The following PRKN variants were observed in gnomAD, a reference collection of about 807,000 sequenced individuals.
The protein encoded by PRKN is parkin RBR E3 ubiquitin protein ligase, also known as E3 ubiquitin-protein ligase parkin.
A neutral mutation model predicts 59.5 loss-of-function variants in PRKN; 56 were observed. That is an observed-to-expected ratio of 0.94 (90% CI 0.76 to 1.18). The LOEUF (loss-of-function observed/expected upper bound fraction) is 1.18, where lower values mean the gene tolerates loss of function less well. Ranked by LOEUF, PRKN falls within the 50% of genes most tolerant of loss-of-function variation. The pLI is 0.00. For missense variants in PRKN, 657 were observed against 596.4 expected (o/e 1.10, Z -1.06); for synonymous variants, 250 against 222.1 (o/e 1.13, Z -1.12).
chr6:162,281,657 T>C (rs185772771), intron 2 of PRKN, among the ~76,000 whole-genome samples: 30 of 152,296 alleles, frequency 2.0e-4, no homozygotes, highest in Admixed American at 1.5e-3. Context: ...AGATTACCAA[T>C]ATGGTTTAAA....
rs1156916228 is a variant in PRKN at position 161,413,639 on chromosome 6, A to G, written c.1084-26762T>C. 6.6e-6 allele frequency among the ~76,000 whole-genome samples: 1 copy of G among 152,140 alleles called. No individual in the cohort carries two copies. Among genetic ancestry groups the G allele is most frequent in the Non-Finnish European group, 1.5e-5 (1 of 68,024 alleles). On this transcript the variant is annotated intron_variant, in intron 9 of 11. Coordinates refer to ENST00000366898, the MANE Select transcript of PRKN (RefSeq NM_004562.3). The surrounding 1 kb of genome is among the most constrained non-coding windows in gnomAD (Gnocchi z 4.4). ...TGAAGCTCACAGAGGCATGGGCTGC[A>G]CCGGGTCCCAGGGACACCTGAGCAC...
At chr6:161,522,343 G>A (rs768587899) in intron 9 of PRKN, among the ~76,000 whole-genome samples, 10 of 152,188 alleles carry the variant, frequency 6.6e-5, no homozygotes, top group Admixed American at 2.0e-4. Context: ...GTGAGGACAA[G>A]CGAGGCGATG....
intron 1 of PRKN, among the ~76,000 whole-genome samples, chr6:162,638,114 A>G (rs965731445): frequency 2.0e-5 from 3 of 151,218 alleles, no homozygotes; most frequent in East Asian, 3.9e-4. Context: ...TCAGCATGCA[A>G]TTTGTTCTAA....
intron 6 of PRKN, among the ~76,000 whole-genome samples, chr6:161,897,298 G>GGT (rs1450448907): frequency 2.6e-5 from 4 of 152,124 alleles, no homozygotes; most frequent in Non-Finnish European, 5.9e-5. Flanking sequence ...GAGAGCAGCT[G>GGT]GTGTTTCATG....
chr6:162,349,062 C>T (rs1207537137), intron 2 of PRKN, among the ~76,000 whole-genome samples: 1 of 152,088 alleles, frequency 6.6e-6, no homozygotes, highest in African/African-American at 2.4e-5. Flanking sequence ...GAGATAATAA[C>T]CTGAATAGAA....
Position 161,475,490 on chromosome 6 carries a change from T to A in PRKN, c.1083+73364A>T, listed in dbSNP as rs951822334. 1.3e-5 allele frequency among the ~76,000 whole-genome samples: 2 copies of A among 152,182 alleles called. No homozygotes were observed. Among genetic ancestry groups the A allele is most frequent in the Admixed American group, 6.5e-5 (1 of 15,282 alleles). ...CTTGCTATATTTTAAATGCACGGTATTGACTTGTTATTTTTATTTACATAT... is the reference window on the plus strand; with the variant it reads ...CTTGCTATATTTTAAATGCACGGTAATGACTTGTTATTTTTATTTACATAT... On this transcript the variant is annotated intron_variant, in intron 9 of 11. Transcript: ENST00000366898. The surrounding 1 kb of genome is among the most constrained non-coding windows in gnomAD (Gnocchi z 5.3).
At chr6:162,160,890 C>CAAAAAAAAAAAAAAA (rs56320816) in intron 4 of PRKN, among the ~76,000 whole-genome samples, 1 of 80,264 alleles carries the variant, frequency 1.2e-5, no homozygotes, top group African/African-American at 5.3e-5. Flanking sequence ...GACTCCGTCT[C>CAAAAAAAAAAAAAAA]AAAAAAAAAA....
Position 161,405,414 on chromosome 6 carries a change from C to T in PRKN, c.1084-18537G>A, listed in dbSNP as rs1176372407. On this transcript the variant is annotated intron_variant, in intron 9 of 11. Transcript: ENST00000366898. The surrounding 1 kb of genome is among the most constrained non-coding windows in gnomAD (Gnocchi z 5.1). Reference sequence around the variant, plus strand: ...CCAACATGGTGAAACCCCGTCTCTACCGAAAATGCACAAATTAGCCAGGCA... The same window carrying T: ...CCAACATGGTGAAACCCCGTCTCTATCGAAAATGCACAAATTAGCCAGGCA... Among the ~76,000 whole-genome samples the T allele has an allele frequency of 2.0e-5, 3 of 151,746 alleles. No homozygotes were observed. Among genetic ancestry groups the T allele is most frequent in the Non-Finnish European group, 4.4e-5 (3 of 67,976 alleles).
intron 1 of PRKN, among the ~76,000 whole-genome samples, chr6:162,490,692 C>G (rs1792769467): frequency 6.6e-6 from 1 of 152,106 alleles, no homozygotes; most frequent in Non-Finnish European, 1.5e-5. Flanking sequence ...AAAAATGCAA[C>G]CATAATCACA....
chr6:161,750,596 C>T (rs960095799), intron 7 of PRKN, among the ~76,000 whole-genome samples: 15 of 151,762 alleles, frequency 9.9e-5, no homozygotes, highest in East Asian at 7.8e-4. Context: ...GGTGAAAACC[C>T]GTCTCTACTA....
chr6:161,768,136 T>C (rs1789509380), intron 7 of PRKN, among the ~76,000 whole-genome samples: 1 of 152,176 alleles, frequency 6.6e-6, no homozygotes, highest in Admixed American at 6.5e-5. Context: ...GGTTCTGATA[T>C]TTGAAATGAC....
Position 161,566,940 on chromosome 6 carries a change from TTCACCTG to T in PRKN, c.933+2408_933+2414del. Among the ~76,000 whole-genome samples the T allele has an allele frequency of 6.6e-6, 1 of 152,220 alleles. No homozygotes were observed. The highest frequency in any genetic ancestry group is 2.4e-5 in the African/African-American group (1 of 41,514). ...TTCTCTGGATACCTTTCAGTCTTTA[TTCACCTG>T]TCACCTGCTCAGTGAAACTTTCCCT... On this transcript the variant is annotated intron_variant, in intron 8 of 11. Transcript: ENST00000366898. This position sits in a 1 kb window ranked among gnomAD's most constrained non-coding sequence, Gnocchi z 4.1.
At position 161,378,020 on chromosome 6, in the gene PRKN, C is replaced by T. The variant is rs575008605; in HGVS notation, c.1167+8774G>A. On this transcript the variant is annotated intron_variant, in intron 10 of 11. Transcript: ENST00000366898. This position sits in a 1 kb window ranked among gnomAD's most constrained non-coding sequence, Gnocchi z 7.3. ...GGACTGTGTGTGGAAAGGAAAGAGT[C>T]CTGAGTTAGGAAGAGATACAAGCTC... Among the ~76,000 whole-genome samples, 1 of 152,072 alleles carries T rather than the reference C, an allele frequency of 6.6e-6. No individual in the cohort carries two copies. The highest frequency in any genetic ancestry group is 1.9e-4 in the East Asian group (1 of 5,158).
chr6:162,346,554 G>A lies in PRKN; in HGVS notation c.172-83789C>T, dbSNP rs573481829. On this transcript the variant is annotated intron_variant, in intron 2 of 11. Transcript: ENST00000366898. ...GAAGATCACAGGAGCCCAGGAGGCC[G>A]AGGCTGCAGTGTGCTGCAATTGTGC... Among the ~76,000 whole-genome samples, 4 of 151,952 alleles carry A rather than the reference G, an allele frequency of 2.6e-5. No individual in the cohort carries two copies. In the East Asian group the frequency reaches 5.8e-4, roughly 22 times the overall value.
intron 2 of PRKN, among the ~76,000 whole-genome samples, chr6:162,368,586 C>T (rs1785577311): frequency 1.3e-5 from 2 of 152,152 alleles, no homozygotes; most frequent in South Asian, 4.1e-4. Flanking sequence ...GAAGCTCACA[C>T]TCTGTCATCA....
intron 1 of PRKN, among the ~76,000 whole-genome samples, chr6:162,494,317 C>T (rs1792958221): frequency 6.6e-6 from 1 of 152,182 alleles, no homozygotes; most frequent in Non-Finnish European, 1.5e-5. Flanking sequence ...ACATCTCTGA[C>T]CCAGGGCCAG....
At chr6:162,209,950 C>A (rs546948023) in intron 3 of PRKN, among the ~76,000 whole-genome samples, 66 of 151,278 alleles carry the variant, frequency 4.4e-4, no homozygotes, top group African/African-American at 1.5e-3. Context: ...CACACTGGGG[C>A]CTGTTGTGGG....
rs1195858995 is a variant in PRKN at position 161,551,625 on chromosome 6, T to C, written c.934-2622A>G. Among the ~76,000 whole-genome samples, 1 of 152,026 alleles carries C rather than the reference T, an allele frequency of 6.6e-6. No homozygotes were observed. Among genetic ancestry groups the C allele is most frequent in the Non-Finnish European group, 1.5e-5 (1 of 68,000 alleles). On this transcript the variant is annotated intron_variant, in intron 8 of 11. Transcript: ENST00000366898. This position sits in a 1 kb window ranked among gnomAD's most constrained non-coding sequence, Gnocchi z 5.2. ...TTGAAAAGTCATTTCAGTGGAGTCA[T>C]GGAGCCAAAAGCCTTTGGAGTGGAG...
chr6:162,312,530 C>A (rs1360313333), intron 2 of PRKN, among the ~76,000 whole-genome samples: 1 of 152,162 alleles, frequency 6.6e-6, no homozygotes, highest in Non-Finnish European at 1.5e-5. Context: ...GGCGATACAA[C>A]ACCTGTGTCT....
Sources: gnomAD v4.1 joint callset for allele counts (sites outside exome capture counted in the v4.1 genomes callset) on GRCh38, gnomAD v4.1.1 for gene constraint, Gnocchi (gnomAD v3.1) non-coding constraint, MANE v1.5 for transcripts, NCBI Gene and HGNC (gene_info 2026-07-23, HGNC 2026-07-21) for gene names.